Variants in GRM7 observed in about 807,000 individuals in gnomAD.
GRM7 encodes the protein glutamate metabotropic receptor 7.
A neutral mutation model predicts 84.5 loss-of-function variants in GRM7; 35 were observed. The ratio of observed to expected loss-of-function variants is 0.41; its 90% CI spans 0.32 to 0.55. The LOEUF (loss-of-function observed/expected upper bound fraction) is 0.55, where lower values mean the gene tolerates loss of function less well. GRM7 is among the 20% of genes least tolerant of loss of function. The pLI, the probability that GRM7 is intolerant of heterozygous loss-of-function variation, is 0.19. For synonymous variants in GRM7, 487 were observed against 455.1 expected (o/e 1.07, Z -0.89); for missense variants, 1,003 against 1,194.6 (o/e 0.84, Z 2.36).
Position 7,052,720 on chromosome 3 carries a change from G to GTT in GRM7, c.520-93716_520-93715dup, listed in dbSNP as rs372132445. Reference sequence around the variant, plus strand: ...ATGCATGTTATTGCAAGTATCGGTAGTTTTTTTTTTTTTTTTTGCATTGCC... The same window carrying GTT: ...ATGCATGTTATTGCAAGTATCGGTAGTTTTTTTTTTTTTTTTTTTGCATTGCC... On this transcript the variant is annotated intron_variant, in intron 1 of 9. Transcript: ENST00000357716. 9.6e-3 allele frequency among the ~76,000 whole-genome samples: 970 copies of GTT among 101,506 alleles called. 11 individuals are homozygous for GTT. Among genetic ancestry groups the GTT allele is most frequent in the African/African-American group, 0.021 (477 of 22,312 alleles). 66.6% of individuals were successfully genotyped at this position (101,506 alleles called of 152,430 possible).
chr3:7,626,892 T>C (rs776022249), intron 8 of GRM7, among the ~76,000 whole-genome samples: 1 of 150,824 alleles, frequency 6.6e-6, no homozygotes, highest in Non-Finnish European at 1.5e-5. Context: ...ATGTTTGCAA[T>C]AGCCCAGGTC....
In GRM7 at chr3:7,680,257, AG is replaced by A. The variant is rs1700310952; in HGVS notation, c.2662del (p.Ala888GlnfsTer9). On this transcript the variant is annotated frameshift_variant, in exon 9 of 10. Transcript: ENST00000357716. LOFTEE classifies it high-confidence loss of function. ...AAACCCAGTGACAGACCCAACGGTG[AG>A]GCAAAGACCGAGCTCTGTGAAAACG... ...SHKPSDRPNG[E>X]AKTELCENVD... 6.2e-7 allele frequency: 1 copy of A among 1,614,184 alleles called. No individual in the cohort carries two copies. Among genetic ancestry groups the A allele is most frequent in the African/African-American group, 1.3e-5 (1 of 75,064 alleles).
At chr3:7,100,502 C>T (rs1025811105) in intron 1 of GRM7, among the ~76,000 whole-genome samples, 2 of 151,780 alleles carry the variant, frequency 1.3e-5, no homozygotes, top group African/African-American at 2.4e-5. Flanking sequence ...CAGCCTAAAT[C>T]ATAGGCTAAA....
chr3:7,590,262 C>A (rs928787031), intron 8 of GRM7, among the ~76,000 whole-genome samples: 12 of 152,124 alleles, frequency 7.9e-5, no homozygotes, highest in Non-Finnish European at 1.5e-4. Flanking sequence ...GCCACTATTA[C>A]AATTACGACA....
intron 2 of GRM7, among the ~76,000 whole-genome samples, chr3:7,290,080 C>T (rs1199809153): frequency 6.6e-6 from 1 of 151,416 alleles, no homozygotes; most frequent in African/African-American, 2.4e-5. Context: ...TTTCTATATC[C>T]CCCTCACAGC....
intron 7 of GRM7, among the ~76,000 whole-genome samples, chr3:7,497,711 A>G (rs779159309): frequency 6.6e-6 from 1 of 152,162 alleles, no homozygotes; most frequent in Non-Finnish European, 1.5e-5. Flanking sequence ...TATCTCTAAG[A>G]AAAGAGCATA....
At chr3:7,570,520 C>T (rs1415326110) in intron 7 of GRM7, among the ~76,000 whole-genome samples, 1 of 152,192 alleles carries the variant, frequency 6.6e-6, no homozygotes, top group Non-Finnish European at 1.5e-5. Context: ...CCTTTTACTC[C>T]ATGTCTCACA....
intron 1 of GRM7, among the ~76,000 whole-genome samples, chr3:7,066,243 G>C (rs376904664): frequency 6.6e-6 from 1 of 151,824 alleles, no homozygotes; most frequent in African/African-American, 2.4e-5. Context: ...CAAAAAGCTG[G>C]TTCTTTGAAA....
chr3:7,468,758 T>C (rs1698567160), intron 7 of GRM7, among the ~76,000 whole-genome samples: 1 of 151,870 alleles, frequency 6.6e-6, no homozygotes, highest in Non-Finnish European at 1.5e-5. Context: ...TGAGTTTTCA[T>C]GAGATCTGAT....
chr3:7,156,583 A>T (rs551570560), intron 2 of GRM7, among the ~76,000 whole-genome samples: 37 of 152,258 alleles, frequency 2.4e-4, no homozygotes, highest in African/African-American at 8.4e-4. Flanking sequence ...ACGCATCCCC[A>T]TATCTGTTAT....
At chr3:7,626,861 T>C (rs886712298) in intron 8 of GRM7, among the ~76,000 whole-genome samples, 1 of 151,694 alleles carries the variant, frequency 6.6e-6, no homozygotes, top group Non-Finnish European at 1.5e-5. Flanking sequence ...TATTTTGTCA[T>C]GTCAAGACCG....
chr3:7,074,277 G>T (rs1459148174), intron 1 of GRM7, among the ~76,000 whole-genome samples: 2 of 152,094 alleles, frequency 1.3e-5, no homozygotes, highest in Non-Finnish European at 2.9e-5. Context: ...GTAGAGTTCA[G>T]ATTCCAACTC....
intron 1 of GRM7, among the ~76,000 whole-genome samples, chr3:7,000,817 G>A (rs576651614): frequency 2.0e-5 from 3 of 152,156 alleles, no homozygotes; most frequent in South Asian, 2.1e-4. Context: ...GCTCAAACAC[G>A]GTGTATGTCA....
At chr3:7,704,468 G>A (rs1701323330) in intron 9 of GRM7, among the ~76,000 whole-genome samples, 1 of 152,078 alleles carries the variant, frequency 6.6e-6, no homozygotes, top group South Asian at 2.1e-4. Flanking sequence ...ATGTGTAACA[G>A]TTGAATTTAT....
At chr3:7,218,684 A>G (rs900323273) in intron 2 of GRM7, among the ~76,000 whole-genome samples, 2 of 152,018 alleles carry the variant, frequency 1.3e-5, no homozygotes, top group Non-Finnish European at 2.9e-5. Flanking sequence ...GATGTTTATT[A>G]GCTACTTGAC....
At chr3:7,265,943 A>T (rs1192179464) in intron 2 of GRM7, among the ~76,000 whole-genome samples, 3 of 152,150 alleles carry the variant, frequency 2.0e-5, no homozygotes, top group Admixed American at 2.0e-4. Context: ...GTACCCAGCC[A>T]TCTGATGCTT....
At chr3:7,529,749 C>T (rs1021861418) in intron 7 of GRM7, among the ~76,000 whole-genome samples, 1 of 151,934 alleles carries the variant, frequency 6.6e-6, no homozygotes, top group South Asian at 2.1e-4. Flanking sequence ...TAATCAAACC[C>T]TTGATCCTGG....
chr3:6,964,427 T>G (rs1459293191), intron 1 of GRM7, among the ~76,000 whole-genome samples: 1 of 152,218 alleles, frequency 6.6e-6, no homozygotes, highest in African/African-American at 2.4e-5. Context: ...TTACGCATTG[T>G]GTAAGGACTT....
intron 1 of GRM7, among the ~76,000 whole-genome samples, chr3:7,133,903 A>G (rs976955524): frequency 1.3e-5 from 2 of 152,122 alleles, no homozygotes; most frequent in African/African-American, 4.8e-5. Flanking sequence ...CCACGTTGGG[A>G]TGGAAAGGCC....
Sources: allele counts gnomAD v4.1 joint callset (sites outside exome capture counted in the v4.1 genomes callset), GRCh38; gene constraint gnomAD v4.1.1; transcripts MANE v1.5; gene names NCBI Gene and HGNC (gene_info 2026-07-23, HGNC 2026-07-21).